JAKMIP3: variants seen among roughly 807,000 people sequenced by gnomAD.
The protein encoded by JAKMIP3 is Janus kinase and microtubule interacting protein 3.
Under a neutral mutation model 118.5 loss-of-function variants are expected in JAKMIP3, and 58 were observed. The observed-to-expected ratio is 0.49, with a 90% CI of 0.40 to 0.61. The LOEUF (loss-of-function observed/expected upper bound fraction) is 0.61. JAKMIP3 is among the 20% of genes least tolerant of loss of function. JAKMIP3 has a pLI of 0.00. For missense variants in JAKMIP3, 950 were observed against 1,109.0 expected (o/e 0.86, Z 2.04); for synonymous variants, 486 against 451.2 (o/e 1.08, Z -0.98).
chr10:132,057,142 A>G (rs1382515156), intron 1 of JAKMIP3, among the ~76,000 whole-genome samples: 1 of 152,164 alleles, frequency 6.6e-6, no homozygotes, highest in African/African-American at 2.4e-5. Flanking sequence ...GGAAGAGTGA[A>G]CCAGGGAGGG....
intron 1 of JAKMIP3, among the ~76,000 whole-genome samples, chr10:132,053,151 G>A (rs1216643566): frequency 1.3e-5 from 2 of 152,188 alleles, no homozygotes; most frequent in African/African-American, 4.8e-5. Context: ...CTCTCCAGTT[G>A]GGAACACTTC....
chr10:132,043,490 CA>C, intron 1 of JAKMIP3, among the ~76,000 whole-genome samples: 1 of 152,332 alleles, frequency 6.6e-6, no homozygotes, highest in South Asian at 2.1e-4. Flanking sequence ...TGCAGCACCG[CA>C]GAGAATCCAG....
At chr10:132,086,386 G>T (rs1174871243) in intron 1 of JAKMIP3, among the ~76,000 whole-genome samples, 1 of 152,126 alleles carries the variant, frequency 6.6e-6, no homozygotes, top group Non-Finnish European at 1.5e-5. Flanking sequence ...TTGTTCCAGG[G>T]TATAGTTTAA....
At chr10:132,175,704 C>T (rs2060081485) in intron 23 of JAKMIP3, among the ~76,000 whole-genome samples, 1 of 152,190 alleles carries the variant, frequency 6.6e-6, no homozygotes, top group Non-Finnish European at 1.5e-5. Context: ...CTGCCGCCTC[C>T]ATGCTGCTGC....
rs1554963508 is a variant in JAKMIP3, at chr10:132,180,782, T to TGTGCGCGC, written c.*1104-1574_*1104-1573insTGCGCGCG. ...GTGCGTGTGTGTGCGTGTGTGTGTGTGCGCGTATGCATGTGCTGTGAGTGG... is the reference window on the plus strand; with the variant it reads ...GTGCGTGTGTGTGCGTGTGTGTGTGTGTGCGCGCGCGCGTATGCATGTGCTGTGAGTGG... On this transcript the variant is annotated intron_variant, in intron 23 of 23. Coordinates refer to ENST00000684848, the MANE Select transcript of JAKMIP3 (RefSeq NM_001323087.2). Among the ~76,000 whole-genome samples, 9 of 60,624 alleles carry TGTGCGCGC rather than the reference T, an allele frequency of 1.5e-4. 3 individuals are homozygous for TGTGCGCGC. The highest frequency in any genetic ancestry group is 7.3e-4 in the African/African-American group (9 of 12,400). 39.8% of individuals were successfully genotyped at this position (60,624 alleles called of 152,430 possible).
intron 16 of JAKMIP3, among the ~76,000 whole-genome samples, chr10:132,151,121 C>T (rs1350576670): frequency 6.6e-6 from 1 of 152,146 alleles, no homozygotes; most frequent in African/African-American, 2.4e-5. Flanking sequence ...ATTCTCCATC[C>T]ATCCTTCCTT....
At chr10:132,121,534 G>T (rs998254408) in intron 3 of JAKMIP3, among the ~76,000 whole-genome samples, 1 of 152,216 alleles carries the variant, frequency 6.6e-6, no homozygotes, top group Non-Finnish European at 1.5e-5. Flanking sequence ...GGTCTCTGCT[G>T]CAGGGAGCGC....
chr10:132,184,189 T>G lies in JAKMIP3; in HGVS notation c.*2936T>G, dbSNP rs537259692. 4 of 152,362 alleles carry G rather than the reference T, an allele frequency of 2.6e-5. No homozygotes were observed. In the East Asian group the frequency reaches 7.7e-4, roughly 29 times the overall value. 9.4% of individuals were successfully genotyped at this position (152,362 alleles called of 1,614,324 possible). On this transcript the variant is annotated 3_prime_UTR_variant, in exon 24 of 24. Transcript: ENST00000684848. ...AGATTCCTTTGTTGACACCAGTGTGTTGTTTACCTTGTGCCCATGGTCCAG... is the reference window on the plus strand; with the variant it reads ...AGATTCCTTTGTTGACACCAGTGTGGTGTTTACCTTGTGCCCATGGTCCAG...
At position 132,164,279 on chromosome 10, in the gene JAKMIP3, C is replaced by T. The variant is rs9419212; in HGVS notation, c.2425-391C>T. The stretch of plus-strand genomic sequence containing the variant: ...GCTCGGATGCTTGGGGGACCCCAGG[C>T]GCCAGCATCCCCCTCACCGGGAGGC... On this transcript the variant is annotated intron_variant, in intron 20 of 23. Coordinates refer to ENST00000684848, the MANE Select transcript of JAKMIP3 (RefSeq NM_001323087.2). Among the ~76,000 whole-genome samples, 8,709 of 152,230 alleles carry T rather than the reference C, an allele frequency of 0.057. 1,056 individuals are homozygous for T. In the East Asian group the frequency reaches 0.58, roughly 10 times the overall value.
At chr10:132,139,066 G>A (rs61864414) in intron 9 of JAKMIP3, among the ~76,000 whole-genome samples, 6 of 151,164 alleles carry the variant, frequency 4.0e-5, no homozygotes, top group Admixed American at 2.6e-4. Context: ...GTGTGTGTGT[G>A]TGTATGTGTA....
chr10:132,127,551 C>T (rs1589880623), intron 3 of JAKMIP3, among the ~76,000 whole-genome samples: 1 of 152,274 alleles, frequency 6.6e-6, no homozygotes, highest in East Asian at 1.9e-4. Flanking sequence ...CATGGCACCT[C>T]ACTGCTTGCT....
chr10:132,095,904 C>A (rs1225539726), intron 1 of JAKMIP3, among the ~76,000 whole-genome samples: 1 of 152,056 alleles, frequency 6.6e-6, no homozygotes, highest in Non-Finnish European at 1.5e-5. Flanking sequence ...TGTCTGGGTG[C>A]TCTGCCCAAT....
At chr10:132,180,541 GTGTGCGTGCGTGCA>G (rs1279457537) in intron 23 of JAKMIP3, among the ~76,000 whole-genome samples, 4 of 33,550 alleles carry the variant, frequency 1.2e-4, no homozygotes, top group South Asian at 2.1e-3. Flanking sequence ...GTGTGTGTGT[GTGTGCGTGCGTGCA>G]TGCGTGTGTG....
rs1272838956 is a variant in JAKMIP3, at chr10:132,112,944, T to A, written c.136-4133T>A. On this transcript the variant is annotated intron_variant, in intron 2 of 23. Coordinates refer to ENST00000684848, the MANE Select transcript of JAKMIP3 (RefSeq NM_001323087.2). This position sits in a 1 kb window ranked among gnomAD's most constrained non-coding sequence, Gnocchi z 4.3. The stretch of plus-strand genomic sequence containing the variant: ...TACTCCTTAGAAAAAAATAGACAGT[T>A]CTCATCAGAGAGCATGCACAGCTAG... Among the ~76,000 whole-genome samples, 2 of 152,184 alleles carry A rather than the reference T, an allele frequency of 1.3e-5. No homozygotes were observed. The highest frequency in any genetic ancestry group is 4.8e-5 in the African/African-American group (2 of 41,436).
intron 3 of JAKMIP3, among the ~76,000 whole-genome samples, chr10:132,132,373 C>T (rs1245098240): frequency 6.6e-6 from 1 of 152,188 alleles, no homozygotes; most frequent in Non-Finnish European, 1.5e-5. Flanking sequence ...GAAAATGATG[C>T]CCAAAGTGCC....
chr10:132,093,544 G>A (rs1173822895), intron 1 of JAKMIP3, among the ~76,000 whole-genome samples: 1 of 152,192 alleles, frequency 6.6e-6, no homozygotes, highest in Non-Finnish European at 1.5e-5. Context: ...AGCCAGGCAC[G>A]GGATATAATC....
chr10:132,081,566 G>C (rs749356629), intron 1 of JAKMIP3, among the ~76,000 whole-genome samples: 6 of 152,142 alleles, frequency 3.9e-5, no homozygotes, highest in Admixed American at 1.3e-4. Context: ...CCCAGTGCCC[G>C]CATCTTTACT....
chr10:132,043,086 CCT>C (rs952553255), intron 1 of JAKMIP3, among the ~76,000 whole-genome samples: 1 of 152,082 alleles, frequency 6.6e-6, no homozygotes, highest in African/African-American at 2.4e-5. Context: ...AGAGCAAGAT[CCT>C]CTCTCAAAAA....
chr10:132,089,173 G>A (rs10870242), intron 1 of JAKMIP3, among the ~76,000 whole-genome samples: 53,881 of 151,390 alleles, frequency 0.36, 9,989 homozygotes, highest in African/African-American at 0.47. Flanking sequence ...TTGGTTTAGG[G>A]TTGTCTTGGC....
Sources: allele counts gnomAD v4.1 joint callset (sites outside exome capture counted in the v4.1 genomes callset), GRCh38; gene constraint gnomAD v4.1.1; non-coding constraint Gnocchi (gnomAD v3.1); transcripts MANE v1.5; gene names NCBI Gene and HGNC (gene_info 2026-07-23, HGNC 2026-07-21).